The following ADAM32 variants were observed in gnomAD, a reference collection of about 807,000 sequenced individuals.
The protein encoded by ADAM32 is disintegrin and metalloproteinase domain-containing protein 32.
In ADAM32, 89 loss-of-function variants were observed where a neutral mutation model predicts 114.9. That is an observed-to-expected ratio of 0.77 (90% CI 0.65 to 0.92). ADAM32 has a LOEUF of 0.92. Ranked by LOEUF, ADAM32 falls within the 40% of genes least tolerant of loss-of-function variation. ADAM32 has a pLI of 0.00. For missense variants in ADAM32, 870 were observed against 932.8 expected (o/e 0.93, Z 0.88); for synonymous variants, 285 against 307.5 (o/e 0.93, Z 0.77).
intron 7 of ADAM32, among the ~76,000 whole-genome samples, chr8:39,162,950 G>A (rs1286670406): frequency 6.6e-6 from 1 of 152,152 alleles, no homozygotes; most frequent in Non-Finnish European, 1.5e-5. Flanking sequence ...GCAGTGAGCC[G>A]AGATCGCACC....
chr8:39,127,307 C>T (rs1360153655), intron 2 of ADAM32, among the ~76,000 whole-genome samples: 1 of 152,070 alleles, frequency 6.6e-6, no homozygotes, highest in Non-Finnish European at 1.5e-5. Context: ...CCATCTGGTC[C>T]TGGGATTTTC....
chr8:39,157,707 G>T, intron 6 of ADAM32: 1 of 994,382 alleles, frequency 1.0e-6, no homozygotes, highest in Non-Finnish European at 1.6e-6. Context: ...TGTGGAGGAT[G>T]AGCGCTTGCC....
chr8:39,264,797 C>T (rs774109661), intron 19 of ADAM32, among the ~76,000 whole-genome samples: 6 of 152,026 alleles, frequency 3.9e-5, no homozygotes, highest in African/African-American at 1.2e-4. Context: ...GCCTTAATTT[C>T]GTTATTTACC....
At chr8:39,184,310 T>A (rs1265456065) in intron 10 of ADAM32, among the ~76,000 whole-genome samples, 1 of 152,248 alleles carries the variant, frequency 6.6e-6, no homozygotes, top group Non-Finnish European at 1.5e-5. Context: ...AGGCACTTCC[T>A]CTTGGCCCTC....
intron 3 of ADAM32, among the ~76,000 whole-genome samples, chr8:39,139,852 A>G (rs1041573549): frequency 6.6e-6 from 1 of 152,062 alleles, no homozygotes; most frequent in Non-Finnish European, 1.5e-5. Flanking sequence ...TATTTCATTG[A>G]GCAGTGATTT....
chr8:39,274,415 A>T, intron 21 of ADAM32, 65 bp downstream of exon 21: 1 of 1,524,682 alleles, frequency 6.6e-7, no homozygotes, highest in Non-Finnish European at 9.0e-7. Flanking sequence ...GATAATTCAC[A>T]ATTTATTTCT....
intron 21 of ADAM32, 129 bp from the exon 22 acceptor site, chr8:39,275,699 T>C: frequency 1.3e-6 from 1 of 792,350 alleles, no homozygotes; most frequent in Non-Finnish European, 1.9e-6. Flanking sequence ...TTTGAAATTA[T>C]TCTTCAGTGG....
intron 10 of ADAM32, among the ~76,000 whole-genome samples, chr8:39,183,746 A>G (rs1194314144): frequency 6.6e-6 from 1 of 152,246 alleles, no homozygotes; most frequent in African/African-American, 2.4e-5. Context: ...GTATTAAGCC[A>G]GTTGCTTCTG....
chr8:39,223,081 TG>T lies in ADAM32; in HGVS notation c.1369del (p.Glu457AsnfsTer19). 1 of 1,591,746 alleles carries T rather than the reference TG, an allele frequency of 6.3e-7. No individual in the cohort carries two copies. The highest frequency in any genetic ancestry group is 1.2e-5 in the South Asian group (1 of 86,818). On this transcript the variant is annotated frameshift_variant, in exon 14 of 25. Transcript: ENST00000379907. LOFTEE classifies it high-confidence loss of function. ...TTGAATGTAGGCCGAAAGCACATCC[TG>T]AATGTGACATCGCTGAAAATTGTAA... is the stretch of plus-strand genomic sequence containing the variant. Reference protein sequence around the residue: ...GVECRPKAHPECDIAENCNGT... With the variant: ...GVECRPKAHPXCDIAENCNGT...
intron 11 of ADAM32, 120 bp from the exon 12 acceptor site, chr8:39,211,024 C>A (rs1298587984): frequency 2.3e-6 from 2 of 873,264 alleles, no homozygotes; most frequent in Admixed American, 4.1e-5. Flanking sequence ...GGCCTCTAAG[C>A]ACTTATTATA....
chr8:39,133,267 A>G (rs1014268023), intron 2 of ADAM32, among the ~76,000 whole-genome samples: 1 of 152,142 alleles, frequency 6.6e-6, no homozygotes, highest in Admixed American at 6.6e-5. Flanking sequence ...TCACCATGTG[A>G]TCTGCTCCCC....
chr8:39,211,296 A>G lies in ADAM32; in HGVS notation c.1205A>G (p.Asn402Ser). 2 of 1,576,154 alleles carry G rather than the reference A, an allele frequency of 1.3e-6. No individual in the cohort carries two copies. Among genetic ancestry groups the G allele is most frequent in the Non-Finnish European group, 1.7e-6 (2 of 1,162,198 alleles). The change falls in exon 12 of 25, where the codon AAT becomes AGT. Residue 402 changes from asparagine (N) to serine (S), a missense_variant. Transcript: ENST00000379907. ...PVCGNGRLEG[N>S]EICDCGTEAQ... ...TGTGGCAATGGCAGATTGGAGGGAA[A>G]TGAAATCTGTGATTGTGGTACTGAG...
intron 16 of ADAM32, among the ~76,000 whole-genome samples, chr8:39,245,316 G>A (rs950134895): frequency 6.6e-6 from 1 of 152,110 alleles, no homozygotes. Flanking sequence ...AAGGGTGGGA[G>A]GCAGTAAGGA....
intron 2 of ADAM32, among the ~76,000 whole-genome samples, chr8:39,121,416 C>T (rs1840584069): frequency 6.6e-6 from 1 of 151,186 alleles, no homozygotes; most frequent in African/African-American, 2.4e-5. Context: ...CACATGGACA[C>T]AGGGAGGGGA....
In ADAM32 at chr8:39,238,545, C is replaced by T. The variant is rs116001759; in HGVS notation, c.1818+4463C>T. Among the ~76,000 whole-genome samples the T allele has an allele frequency of 4.6e-3, 695 of 152,270 alleles. 7 individuals carry two copies. Among genetic ancestry groups the T allele is most frequent in the African/African-American group, 0.015 (629 of 41,548 alleles). ...GTTCTATAACACTCCCAAAAGATCA[C>T]ACTAGCTTACCAGCAGTGGATCCAA... On this transcript the variant is annotated intron_variant, in intron 16 of 24. Coordinates refer to ENST00000379907, the MANE Select transcript of ADAM32 (RefSeq NM_145004.7).
intron 16 of ADAM32, among the ~76,000 whole-genome samples, chr8:39,240,962 G>A (rs903355403): frequency 7.2e-5 from 11 of 152,128 alleles, no homozygotes; most frequent in African/African-American, 2.7e-4. Flanking sequence ...CCAAGACAAG[G>A]CAAGTCCCTT....
At chr8:39,182,708 T>G (rs1264277188) in intron 10 of ADAM32, among the ~76,000 whole-genome samples, 2 of 152,268 alleles carry the variant, frequency 1.3e-5, no homozygotes, top group East Asian at 3.8e-4. Flanking sequence ...AGTCATTTCA[T>G]AAATATCCTT....
In ADAM32 at chr8:39,211,126, A is replaced by G. The variant is rs1386100325; in HGVS notation, c.1053-18A>G. On this transcript the variant is annotated intron_variant, in intron 11 of 24. Transcript: ENST00000379907. ...CCAGAAGTATACTGCCAATGACATTATATGGATTCATCTTTAGGCAATCCA... is the reference window on the plus strand; with the variant it reads ...CCAGAAGTATACTGCCAATGACATTGTATGGATTCATCTTTAGGCAATCCA... 2.0e-6 allele frequency: 3 copies of G among 1,506,692 alleles called. No homozygotes were observed. The highest frequency in any genetic ancestry group is 1.4e-5 in the African/African-American group (1 of 70,158). The allele number at this position is 1,506,692 out of a possible 1,614,324, so 93.3% of individuals were successfully genotyped here.
At chr8:39,246,790 A>G (rs1383005905) in intron 17 of ADAM32, among the ~76,000 whole-genome samples, 3 of 152,196 alleles carry the variant, frequency 2.0e-5, no homozygotes, top group African/African-American at 7.2e-5. Context: ...AATGATATAG[A>G]TCCATCATTA....
Sources: gnomAD v4.1 joint callset for allele counts (sites outside exome capture counted in the v4.1 genomes callset) on GRCh38, gnomAD v4.1.1 for gene constraint, MANE v1.5 for transcripts, NCBI Gene and HGNC (gene_info 2026-07-23, HGNC 2026-07-21) for gene names.